Variants in KIAA2012 observed in about 807,000 individuals in gnomAD.
KIAA2012 encodes uncharacterized protein KIAA2012.
A neutral mutation model predicts 150.6 loss-of-function variants in KIAA2012; 125 were observed. That is an observed-to-expected ratio of 0.83 (90% CI 0.72 to 0.96). The LOEUF is 0.96. KIAA2012 is among the 40% of genes least tolerant of loss of function. KIAA2012 has a pLI of 0.00. For missense variants in KIAA2012, 1,219 were observed against 1,354.9 expected, an observed-to-expected ratio of 0.90 and a Z score of 1.57; for synonymous variants, 462 against 504.7, an observed-to-expected ratio of 0.92 and a Z score of 1.13.
chr2:202,088,276 T>A (rs1436914817), intron 2 of KIAA2012, among the ~76,000 whole-genome samples: 4 of 152,006 alleles, frequency 2.6e-5, no homozygotes, highest in Admixed American at 6.5e-5. Context: ...CAGAAAGAAG[T>A]GAGGGGGAAT....
At chr2:202,103,253 A>G in intron 8 of KIAA2012, 139 bp downstream of exon 8, 1 of 841,656 alleles carries the variant, frequency 1.2e-6, no homozygotes, top group South Asian at 2.0e-5. Flanking sequence ...AGGAAAAAGG[A>G]TAAAATCTAG....
chr2:202,098,417 C>G (rs1383368653), intron 5 of KIAA2012, among the ~76,000 whole-genome samples: 1 of 152,148 alleles, frequency 6.6e-6, no homozygotes, highest in Non-Finnish European at 1.5e-5. Flanking sequence ...TGCTGCACGC[C>G]TTCTCCTCCT....
intron 8 of KIAA2012, among the ~76,000 whole-genome samples, chr2:202,105,413 C>A (rs79339445): frequency 0.018 from 2,782 of 152,316 alleles, 81 homozygotes; most frequent in African/African-American, 0.061. Context: ...AAGCAGGCTC[C>A]TACCATGAGG....
At chr2:202,133,284 T>C (rs1690999887) in intron 12 of KIAA2012, among the ~76,000 whole-genome samples, 1 of 151,420 alleles carries the variant, frequency 6.6e-6, no homozygotes, top group Non-Finnish European at 1.5e-5. Context: ...TGTTTCTTGA[T>C]TGGAGGGTTT....
rs183902596 is a variant in KIAA2012 at position 202,176,630 on chromosome 2, T to C, written c.2120-8123T>C. Among the ~76,000 whole-genome samples, 126 of 152,276 alleles carry C rather than the reference T, an allele frequency of 8.3e-4. No individual in the cohort carries two copies. In the East Asian group the frequency reaches 0.015, roughly 18 times the overall value. On this transcript the variant is annotated intron_variant, in intron 15 of 23. Coordinates refer to ENST00000498697, the MANE Select transcript of KIAA2012 (RefSeq NM_001277372.4). Reference sequence around the variant, plus strand: ...CATTAGTAACCAAAATGCAGCAGCATTTCTTCCCTCTACAAATAGGGAAAG... The same window carrying C: ...CATTAGTAACCAAAATGCAGCAGCACTTCTTCCCTCTACAAATAGGGAAAG...
At chr2:202,083,461 T>C (rs1689496462) in intron 2 of KIAA2012, among the ~76,000 whole-genome samples, 1 of 133,474 alleles carries the variant, frequency 7.5e-6, no homozygotes, top group African/African-American at 2.8e-5. Context: ...GCAACGACAA[T>C]GATCAGTCAC....
chr2:202,197,165 A>C, intron 22 of KIAA2012, 146 bp downstream of exon 22: 2 of 1,214,914 alleles, frequency 1.6e-6, no homozygotes, highest in Non-Finnish European at 2.3e-6. Flanking sequence ...GCATAGAGGG[A>C]TTCTTTTGCT....
At chr2:202,167,387 C>A (rs944938610) in intron 15 of KIAA2012, among the ~76,000 whole-genome samples, 1 of 152,288 alleles carries the variant, frequency 6.6e-6, no homozygotes, top group African/African-American at 2.4e-5. Context: ...TGAGGCCTGA[C>A]GATTTGCATT....
chr2:202,115,767 CT>C (rs1690504228), intron 11 of KIAA2012: 1 of 141,204 alleles, frequency 7.1e-6, no homozygotes, highest in African/African-American at 2.6e-5. Context: ...AAAAAAAACT[CT>C]TGAGTAAAGG....
intron 11 of KIAA2012, among the ~76,000 whole-genome samples, chr2:202,121,673 G>A (rs867299424): frequency 6.6e-6 from 1 of 152,302 alleles, no homozygotes; most frequent in Middle Eastern, 3.4e-3. Flanking sequence ...CACTTACGTG[G>A]TAAGGGCAGA....
rs545775270 is a variant in KIAA2012 at position 202,191,191 on chromosome 2, T to G, written c.2811+698T>G. Among the ~76,000 whole-genome samples the G allele has an allele frequency of 6.1e-3, 925 of 151,958 alleles. 6 individuals carry two copies. The highest frequency in any genetic ancestry group is 0.021 in the African/African-American group (866 of 41,456). Reference sequence around the variant, plus strand: ...ACTTGGGAGGCTGAGGCAGGAGAATTGCTTGAACCTGGGAGGCAGAGGTTG... The same window carrying G: ...ACTTGGGAGGCTGAGGCAGGAGAATGGCTTGAACCTGGGAGGCAGAGGTTG... On this transcript the variant is annotated intron_variant, in intron 19 of 23. Coordinates refer to ENST00000498697, the MANE Select transcript of KIAA2012 (RefSeq NM_001277372.4).
intron 13 of KIAA2012, 114 bp from the exon 14 acceptor site, chr2:202,154,558 AT>A: frequency 1.1e-6 from 1 of 938,972 alleles, no homozygotes; most frequent in South Asian, 1.9e-5. Context: ...GCTGCGTATT[AT>A]TGTTTCAATG....
intron 2 of KIAA2012, among the ~76,000 whole-genome samples, chr2:202,079,227 T>C (rs1230743581): frequency 1.3e-5 from 2 of 151,976 alleles, no homozygotes; most frequent in Non-Finnish European, 2.9e-5. Flanking sequence ...GGGAGGAAAA[T>C]GGAATGGCAA....
intron 14 of KIAA2012, among the ~76,000 whole-genome samples, chr2:202,163,016 A>G (rs1691689664): frequency 6.6e-6 from 1 of 151,858 alleles, no homozygotes; most frequent in Non-Finnish European, 1.5e-5. Flanking sequence ...TTATTTAACT[A>G]GTCCTCAATT....
At chr2:202,095,417 A>G (rs1418762730) in intron 4 of KIAA2012, among the ~76,000 whole-genome samples, 3 of 152,178 alleles carry the variant, frequency 2.0e-5, no homozygotes, top group Non-Finnish European at 2.9e-5. Context: ...CAGTTTGTGC[A>G]TATGTAAAAT....
intron 13 of KIAA2012, among the ~76,000 whole-genome samples, chr2:202,147,985 C>G (rs115385836): frequency 1.5e-3 from 233 of 152,310 alleles, no homozygotes; most frequent in Middle Eastern, 3.4e-3. Context: ...CAGAAGAGAT[C>G]ACTGTTTTGG....
At chr2:202,083,755 CA>C (rs1344033233) in intron 2 of KIAA2012, among the ~76,000 whole-genome samples, 97 of 30,796 alleles carry the variant, frequency 3.1e-3, no homozygotes, top group Admixed American at 0.011. Context: ...AGGATATGGC[CA>C]GGGGGGCGGG....
chr2:202,123,332 T>C (rs767020173), intron 11 of KIAA2012, among the ~76,000 whole-genome samples: 3 of 152,242 alleles, frequency 2.0e-5, no homozygotes, highest in Non-Finnish European at 2.9e-5. Context: ...ACATTCATTA[T>C]GCAATTTATC....
intron 6 of KIAA2012, 45 bp downstream of exon 6, chr2:202,099,841 C>T: frequency 6.8e-7 from 1 of 1,473,536 alleles, no homozygotes; most frequent in Non-Finnish European, 9.1e-7. Flanking sequence ...TAAAGCCAGT[C>T]ATGCAGAGTT....
Sources: gnomAD v4.1 joint callset for allele counts (sites outside exome capture counted in the v4.1 genomes callset) on GRCh38, gnomAD v4.1.1 for gene constraint, MANE v1.5 for transcripts, NCBI Gene and HGNC (gene_info 2026-07-23, HGNC 2026-07-21) for gene names.